The following SLC15A4 variants were observed in gnomAD, a reference collection of about 807,000 sequenced individuals.
The protein encoded by SLC15A4 is hPHT1.
SLC15A4 carries 26 observed loss-of-function variants against 46.1 expected under a neutral mutation model. The ratio of observed to expected loss-of-function variants is 0.56; its 90% CI spans 0.41 to 0.78. The LOEUF is 0.78. Among genes scored for constraint, SLC15A4 ranks in the 30% least tolerant of loss-of-function variants. The pLI, the probability that SLC15A4 is intolerant of heterozygous loss-of-function variation, is 0.00. For synonymous variants in SLC15A4, 370 were observed against 333.4 expected (o/e 1.11, Z -1.20); for missense variants, 751 against 755.7 (o/e 0.99, Z 0.07).
chr12:128,820,229 C>T (rs2135724785), intron 1 of SLC15A4, among the ~76,000 whole-genome samples: 1 of 152,324 alleles, frequency 6.6e-6, no homozygotes, highest in African/African-American at 2.4e-5. Flanking sequence ...GGAACGCACG[C>T]ACACTGGGCC....
At position 128,800,944 on chromosome 12, in the gene SLC15A4, C is replaced by T. The variant is rs749244557; in HGVS notation, c.1324G>A (p.Val442Ile). 6.8e-6 allele frequency: 11 copies of T among 1,613,990 alleles called. No homozygotes were observed. The highest frequency in any genetic ancestry group is 4.0e-5 in the African/African-American group (3 of 74,928). Residue 442 changes from valine (V) to isoleucine (I), a missense_variant, in exon 6 of 8, where the codon GTC (valine) becomes ATC (isoleucine). By Grantham distance (29) the Val-to-Ile change is conservative. Coordinates refer to ENST00000266771, the MANE Select transcript of SLC15A4 (RefSeq NM_145648.4). ...GACAGATCGGCAGCATGGTAGACGA[C>T]GTTGCCGATGGTCTGATTAATGGTT... Reference protein sequence around the residue: ...EKTINQTIGNVVYHAADLSLW... With the variant: ...EKTINQTIGNIVYHAADLSLW...
chr12:128,816,256 G>C (rs916738933), intron 1 of SLC15A4, among the ~76,000 whole-genome samples: 3 of 152,146 alleles, frequency 2.0e-5, no homozygotes, highest in Admixed American at 2.0e-4. Context: ...TGCCCACCTG[G>C]ATTTTTACGT....
chr12:128,795,809 G>A (rs370108748), intron 7 of SLC15A4, among the ~76,000 whole-genome samples: 2 of 152,298 alleles, frequency 1.3e-5, no homozygotes, highest in East Asian at 3.9e-4. Context: ...TCTCCACCAC[G>A]GCTGCTCCTG....
At chr12:128,822,379 G>C (rs1322415015) in intron 1 of SLC15A4, among the ~76,000 whole-genome samples, 1 of 152,212 alleles carries the variant, frequency 6.6e-6, no homozygotes, top group Non-Finnish European at 1.5e-5. Context: ...TGTAAAGGAA[G>C]CTAAGGCAAC....
chr12:128,809,951 A>G lies in SLC15A4; in HGVS notation c.1003T>C (p.Tyr335His). The change falls in exon 3 of 8, where the codon TAT becomes CAT. Residue 335 changes from tyrosine to histidine, a missense_variant. Coordinates refer to ENST00000266771, the MANE Select transcript of SLC15A4 (RefSeq NM_145648.4). ...FLALIPYWTV[Y>H]FQMQTTYVLQ... ...TGTTTGTCACCACTCACTTGGAAAT[A>G]CACTGTCCAGTAAGGTATCAAAGCC... 1 of 1,613,264 alleles carries G rather than the reference A, an allele frequency of 6.2e-7. No individual in the cohort carries two copies. Among genetic ancestry groups the G allele is most frequent in the Non-Finnish European group, 8.5e-7 (1 of 1,179,824 alleles).
chr12:128,810,331 A>C (rs974002818), intron 2 of SLC15A4: 26 of 515,316 alleles, frequency 5.0e-5, no homozygotes, highest in African/African-American at 4.7e-4. Context: ...TTTCTAGTCA[A>C]AGTGAAACTG....
chr12:128,799,399 G>C lies in SLC15A4; in HGVS notation c.1433C>G (p.Ser478Ter), dbSNP rs781614817. 6.2e-7 allele frequency: 1 copy of C among 1,614,170 alleles called. No homozygotes were observed. Among genetic ancestry groups the C allele is most frequent in the Non-Finnish European group, 8.5e-7 (1 of 1,180,036 alleles). Residue 478 changes from serine to a stop codon, truncating the protein, a stop_gained, in exon 7 of 8, where the codon TCA becomes TGA. Transcript: ENST00000266771. LOFTEE classifies it high-confidence loss of function. ...ACTCTGCATGGACTTGGGGGCAGCT[G>C]AGTATGCAAATTCCAGGCCTGAGGA... ...ASIAGLEFAY[S>*]AAPKSMQSAI... is the part of the protein sequence containing the mutation.
chr12:128,809,790 ACT>A, intron 3 of SLC15A4, 151 bp downstream of exon 3: 1 of 670,350 alleles, frequency 1.5e-6, no homozygotes, highest in Non-Finnish European at 2.4e-6. Context: ...AGCCAAAATG[ACT>A]CCATAACTAA....
chr12:128,822,032 C>T (rs1955848941), intron 1 of SLC15A4, among the ~76,000 whole-genome samples: 1 of 152,368 alleles, frequency 6.6e-6, no homozygotes, highest in African/African-American at 2.4e-5. Context: ...CCCAGTAAAG[C>T]TCTCGACTGT....
At chr12:128,807,209 C>CT (rs1955600155) in intron 5 of SLC15A4, among the ~76,000 whole-genome samples, 1 of 150,258 alleles carries the variant, frequency 6.7e-6, no homozygotes, top group Non-Finnish European at 1.5e-5. Context: ...CCTGCTAGCG[C>CT]TTTTTAAAGA....
In SLC15A4 at chr12:128,823,784, T is replaced by C; in HGVS notation, c.160A>G (p.Ile54Val). The C allele has an allele frequency of 6.6e-7, 1 of 1,515,676 alleles. No homozygotes were observed. The highest frequency in any genetic ancestry group is 8.8e-7 in the Non-Finnish European group (1 of 1,138,782). 93.9% of individuals were successfully genotyped at this position (1,515,676 alleles called of 1,614,324 possible). A position where few individuals can be genotyped will look rare whatever the true frequency, so the allele number is the denominator to read the frequency against. ...ELLERAAFYG[I>V]TSNLVLFLNG... ...AGGAATAGCACCAGGTTGGACGTGATGCCGTAGAAAGCGGCGCGCTCCAGC... is the reference window on the plus strand; with the variant it reads ...AGGAATAGCACCAGGTTGGACGTGACGCCGTAGAAAGCGGCGCGCTCCAGC... The change falls in exon 1 of 8, where the codon ATC becomes GTC. Residue 54 changes from isoleucine to valine, a missense_variant. Physicochemically the swap from Ile to Val is conservative, Grantham distance 29. Transcript: ENST00000266771.
chr12:128,814,694 A>G (rs1955721098), intron 2 of SLC15A4, 81 bp downstream of exon 2: 6 of 1,462,720 alleles, frequency 4.1e-6, no homozygotes, highest in Admixed American at 1.8e-5. Flanking sequence ...CAATAAGCAC[A>G]CAACAAACCG....
chr12:128,803,073 A>C (rs972142238), intron 5 of SLC15A4, among the ~76,000 whole-genome samples: 1 of 152,118 alleles, frequency 6.6e-6, no homozygotes, highest in East Asian at 1.9e-4. Context: ...GCGGGCACCC[A>C]GTAAAAACAA....
chr12:128,802,035 G>C (rs1335216392), intron 5 of SLC15A4, among the ~76,000 whole-genome samples: 1 of 152,162 alleles, frequency 6.6e-6, no homozygotes, highest in Admixed American at 6.6e-5. Context: ...GATCAAAGTA[G>C]AGAGAGACCT....
intron 2 of SLC15A4, among the ~76,000 whole-genome samples, chr12:128,811,089 C>T (rs1955651084): frequency 6.6e-6 from 1 of 152,144 alleles, no homozygotes; most frequent in African/African-American, 2.4e-5. Flanking sequence ...ATGAACAGGC[C>T]CCACTAGACA....
intron 5 of SLC15A4, among the ~76,000 whole-genome samples, chr12:128,803,146 A>C (rs149313733): frequency 6.6e-6 from 1 of 152,222 alleles, no homozygotes; most frequent in Non-Finnish European, 1.5e-5. Context: ...AATCCTTCAG[A>C]TAAAAGTCAT....
chr12:128,815,146 G>A, intron 1 of SLC15A4, 76 bp from the exon 2 acceptor site: 1 of 1,378,726 alleles, frequency 7.3e-7, no homozygotes, highest in Non-Finnish European at 1.0e-6. Context: ...CGGTCAAGTG[G>A]TTAAAATTAC....
intron 1 of SLC15A4, among the ~76,000 whole-genome samples, chr12:128,820,245 T>C (rs1955814407): frequency 6.6e-6 from 1 of 152,170 alleles, no homozygotes; most frequent in Admixed American, 6.5e-5. Flanking sequence ...GGGCCCATCT[T>C]AGTGTGGTAG....
chr12:128,809,056 A>G (rs1424750361), intron 4 of SLC15A4, 100 bp from the exon 5 acceptor site: 2 of 1,123,438 alleles, frequency 1.8e-6, no homozygotes, highest in African/African-American at 3.1e-5. Context: ...CGTAAAGAAC[A>G]GTTCCTCTCC....
Sources: allele counts gnomAD v4.1 joint callset (sites outside exome capture counted in the v4.1 genomes callset), GRCh38; gene constraint gnomAD v4.1.1; transcripts MANE v1.5; gene names NCBI Gene and HGNC (gene_info 2026-07-23, HGNC 2026-07-21).